ARHGEF26: variants seen among roughly 807,000 people sequenced by gnomAD.
ARHGEF26 encodes the protein Rho guanine nucleotide exchange factor 26, also known as Rho guanine nucleotide exchange factor (GEF) 26.
In ARHGEF26, 59 loss-of-function variants were observed where a neutral mutation model predicts 89.4. That is an observed-to-expected ratio of 0.66 (90% confidence interval 0.54 to 0.82). The LOEUF is 0.82. Ranked by LOEUF, ARHGEF26 falls within the 40% of genes least tolerant of loss-of-function variation. The pLI is 0.00. For synonymous variants in ARHGEF26, 500 were observed against 428.4 expected, an observed-to-expected ratio of 1.17 and a Z score of -2.06; for missense variants, 1,234 against 1,085.6, an observed-to-expected ratio of 1.14 and a Z score of -1.92.
chr3:154,129,088 T>A (rs1008442624), intron 3 of ARHGEF26, among the ~76,000 whole-genome samples: 16 of 152,212 alleles, frequency 1.1e-4, no homozygotes, highest in South Asian at 2.1e-4. Context: ...ACAGTTTTTT[T>A]AATTAAACTG....
chr3:154,213,049 C>G (rs1715476701), intron 9 of ARHGEF26, among the ~76,000 whole-genome samples: 1 of 152,068 alleles, frequency 6.6e-6, no homozygotes, highest in African/African-American at 2.4e-5. Context: ...GCCAAAGTGC[C>G]TTCTAGAAAA....
chr3:154,209,167 G>A (rs932440340), intron 9 of ARHGEF26, among the ~76,000 whole-genome samples: 1 of 152,046 alleles, frequency 6.6e-6, no homozygotes, highest in East Asian at 1.9e-4. Context: ...TTCCTTCTCT[G>A]TATTATCTTG....
rs549881978 is a variant in ARHGEF26 at position 154,216,592 on chromosome 3, G to A, written c.1846-1277G>A. On this transcript the variant is annotated intron_variant, in intron 9 of 14. Coordinates refer to ENST00000465093, the MANE Select transcript of ARHGEF26 (RefSeq NM_015595.4). ...GTACATGTGCACATTGTGCAGGTTA[G>A]TTACATATGTATACATGTGCCATGC... 1.5e-4 allele frequency among the ~76,000 whole-genome samples: 20 copies of A among 133,582 alleles called. No individual in the cohort carries two copies. In the East Asian group the frequency reaches 4.5e-3, roughly 30 times the overall value. 87.6% of individuals were successfully genotyped at this position (133,582 alleles called of 152,430 possible).
At chr3:154,128,449 G>A (rs1265152478) in intron 3 of ARHGEF26, among the ~76,000 whole-genome samples, 1 of 152,102 alleles carries the variant, frequency 6.6e-6, no homozygotes, top group Non-Finnish European at 1.5e-5. Context: ...ATGTTGCCCA[G>A]GCTGGTCTCG....
At chr3:154,208,740 G>T (rs1715183409) in intron 9 of ARHGEF26, among the ~76,000 whole-genome samples, 1 of 147,850 alleles carries the variant, frequency 6.8e-6, no homozygotes, top group Non-Finnish European at 1.5e-5. Flanking sequence ...GGACTCTGGT[G>T]CAGTATTCAG....
intron 12 of ARHGEF26, among the ~76,000 whole-genome samples, chr3:154,245,220 G>T (rs1006351816): frequency 3.9e-5 from 6 of 152,014 alleles, no homozygotes; most frequent in Admixed American, 2.0e-4. Flanking sequence ...TAGAGACGGG[G>T]TTTCACCATG....
chr3:154,157,556 G>A (rs1022109340), intron 6 of ARHGEF26, among the ~76,000 whole-genome samples: 11 of 152,132 alleles, frequency 7.2e-5, no homozygotes, highest in African/African-American at 1.2e-4. Flanking sequence ...TCTTAGCAGA[G>A]AGGTGAAAAT....
intron 9 of ARHGEF26, among the ~76,000 whole-genome samples, chr3:154,217,179 C>T (rs1373991600): frequency 1.3e-4 from 19 of 150,390 alleles, no homozygotes; most frequent in African/African-American, 4.1e-4. Context: ...TATTTCTCCA[C>T]ATCCTCTCCA....
intron 12 of ARHGEF26, among the ~76,000 whole-genome samples, chr3:154,251,950 G>GTATGT (rs1166040318): frequency 6.6e-6 from 1 of 152,150 alleles, no homozygotes; most frequent in Non-Finnish European, 1.5e-5. Context: ...TGTATGTTAA[G>GTATGT]AAATTTTAAT....
chr3:154,239,182 G>A (rs1717299913), intron 11 of ARHGEF26, among the ~76,000 whole-genome samples: 1 of 151,684 alleles, frequency 6.6e-6, no homozygotes, highest in African/African-American at 2.4e-5. Flanking sequence ...AGGGTACAGG[G>A]TAATGGAAAG....
At chr3:154,214,382 T>C (rs1355788240) in intron 9 of ARHGEF26, among the ~76,000 whole-genome samples, 1 of 152,098 alleles carries the variant, frequency 6.6e-6, no homozygotes, top group Admixed American at 6.5e-5. Flanking sequence ...CTGAGTTCAG[T>C]GGCCAGGGCA....
chr3:154,174,182 C>G (rs1242671582), intron 6 of ARHGEF26, among the ~76,000 whole-genome samples: 1 of 152,208 alleles, frequency 6.6e-6, no homozygotes, highest in Admixed American at 6.5e-5. Flanking sequence ...TCACCATAAA[C>G]TGGGCTGTGA....
chr3:154,202,792 G>T (rs1172106608), intron 9 of ARHGEF26, among the ~76,000 whole-genome samples: 1 of 24,488 alleles, frequency 4.1e-5, no homozygotes, highest in Non-Finnish European at 6.3e-5. Context: ...CTCATGATTT[G>T]GCTCTCTGTC....
chr3:154,234,983 C>T lies in ARHGEF26; in HGVS notation c.2091-5387C>T, dbSNP rs866687541. On this transcript the variant is annotated intron_variant, in intron 11 of 14. Transcript: ENST00000465093. ...TTCACCGTGTTATCCAGGATGGTCT[C>T]GATCTCCTGACCTTGTGATCCGCCC... is the stretch of plus-strand genomic sequence containing the variant. Among the ~76,000 whole-genome samples the T allele has an allele frequency of 2.2e-4, 33 of 152,114 alleles. 1 individual carries two copies. The Middle Eastern group carries it at 0.017, about 78-fold the overall frequency.
At chr3:154,230,865 G>T (rs1178690673) in intron 11 of ARHGEF26, among the ~76,000 whole-genome samples, 3 of 151,854 alleles carry the variant, frequency 2.0e-5, no homozygotes. Context: ...TAAGGTCAAG[G>T]ACTTAAGTTC....
chr3:154,168,242 G>T (rs1363457322), intron 6 of ARHGEF26, among the ~76,000 whole-genome samples: 1 of 151,868 alleles, frequency 6.6e-6, no homozygotes, highest in Non-Finnish European at 1.5e-5. Context: ...GGAAAGGGTG[G>T]TTCACTGTGT....
chr3:154,143,620 A>C (rs1196368076), intron 4 of ARHGEF26, among the ~76,000 whole-genome samples: 1 of 152,220 alleles, frequency 6.6e-6, no homozygotes, highest in African/African-American at 2.4e-5. Context: ...CATTCTCCTT[A>C]TTAAAATATT....
chr3:154,149,566 T>C (rs910087396), intron 5 of ARHGEF26, 121 bp downstream of exon 5: 22 of 832,616 alleles, frequency 2.6e-5, no homozygotes, highest in Non-Finnish European at 3.5e-5. Context: ...TGTATTTGTT[T>C]AACAAAAGCA....
At chr3:154,127,276 G>C (rs536186921) in intron 3 of ARHGEF26, among the ~76,000 whole-genome samples, 2 of 152,068 alleles carry the variant, frequency 1.3e-5, no homozygotes, top group South Asian at 4.2e-4. Flanking sequence ...TTTCAACTCT[G>C]GTTTTAATAC....
Sources: gnomAD v4.1 joint callset for allele counts (sites outside exome capture counted in the v4.1 genomes callset) on GRCh38, gnomAD v4.1.1 for gene constraint, MANE v1.5 for transcripts, NCBI Gene and HGNC (gene_info 2026-07-23, HGNC 2026-07-21) for gene names.